Variants in TECR observed in about 807,000 individuals in gnomAD.
TECR encodes the protein very-long-chain enoyl-CoA reductase.
TECR carries 19 observed loss-of-function variants against 50.6 expected under a neutral mutation model. That is an observed-to-expected ratio of 0.38 (90% CI 0.26 to 0.55). The LOEUF (loss-of-function observed/expected upper bound fraction) is 0.55. Ranked by LOEUF, TECR falls within the 20% of genes least tolerant of loss-of-function variation. The pLI, the probability that TECR is intolerant of heterozygous loss-of-function variation, is 0.79. For missense variants in TECR, 313 were observed against 408.3 expected (o/e 0.77, Z 2.01); for synonymous variants, 168 against 163.5 (o/e 1.03, Z -0.21).
intron 1 of TECR, among the ~76,000 whole-genome samples, chr19:14,561,708 C>T (rs536465597): frequency 1.3e-5 from 2 of 152,264 alleles, no homozygotes; most frequent in South Asian, 2.1e-4. Flanking sequence ...CTAAAACTTC[C>T]ACACACCCCG....
Position 14,529,595 on chromosome 19 carries a change from T to C in TECR, c.-102T>C, listed in dbSNP as rs1415801056. Reference sequence around the variant, plus strand: ...GGGGCGGGGCGGACGCAGAGCCGCGTTTAGTCTATCGCTGCGGTTGCGAGC... The same window carrying C: ...GGGGCGGGGCGGACGCAGAGCCGCGCTTAGTCTATCGCTGCGGTTGCGAGC... On this transcript the variant is annotated 5_prime_UTR_variant, in exon 1 of 13. Coordinates refer to ENST00000215567, the MANE Select transcript of TECR (RefSeq NM_138501.6). The C allele has an allele frequency of 1.3e-6, 2 of 1,574,086 alleles. No individual in the cohort carries two copies. The highest frequency in any genetic ancestry group is 1.7e-6 in the Non-Finnish European group (2 of 1,145,228).
intron 1 of TECR, among the ~76,000 whole-genome samples, chr19:14,546,221 C>G (rs1245912654): frequency 6.6e-6 from 1 of 152,096 alleles, no homozygotes; most frequent in African/African-American, 2.4e-5. Flanking sequence ...GATCATAGAT[C>G]ACACTGAAAG....
At chr19:14,552,144 CTTTTCTTT>C (rs1414321941) in intron 1 of TECR, among the ~76,000 whole-genome samples, 14 of 141,608 alleles carry the variant, frequency 9.9e-5, no homozygotes, top group African/African-American at 3.5e-4. Flanking sequence ...TGGCCTTTTT[CTTTTCTTT>C]CTTTCTTTCT....
rs573604086 is a variant in TECR at position 14,547,985 on chromosome 19, A to G, written c.16-14540A>G. On this transcript the variant is annotated intron_variant, in intron 1 of 12. Coordinates refer to ENST00000215567, the MANE Select transcript of TECR (RefSeq NM_138501.6). ...TTTCTTTTTTTTTTTTTTTTTTGAG[A>G]CGGAGTCTCGCTCTGTCACCCAGGC... Among the ~76,000 whole-genome samples the G allele has an allele frequency of 2.3e-3, 269 of 118,012 alleles. 2 individuals carry two copies. The highest frequency in any genetic ancestry group is 8.6e-3 in the African/African-American group (256 of 29,824). 77.4% of individuals were successfully genotyped at this position (118,012 alleles called of 152,430 possible).
intron 1 of TECR, among the ~76,000 whole-genome samples, chr19:14,546,592 T>A (rs1327670882): frequency 6.6e-6 from 1 of 152,202 alleles, no homozygotes; most frequent in East Asian, 1.9e-4. Context: ...GCTCTCACTA[T>A]CTTGGCCTGG....
chr19:14,554,598 C>G (rs78656540), intron 1 of TECR, among the ~76,000 whole-genome samples: 1 of 152,138 alleles, frequency 6.6e-6, no homozygotes, highest in African/African-American at 2.4e-5. Context: ...GTGTGCCAGG[C>G]CTTCAGGCTG....
At chr19:14,562,601 G>C in intron 2 of TECR, 26 bp downstream of exon 2, 1 of 1,613,866 alleles carries the variant, frequency 6.2e-7, no homozygotes, top group Non-Finnish European at 8.5e-7. Flanking sequence ...GGGCTGCACT[G>C]GGCCAAGGGC....
chr19:14,562,290 CA>C lies in TECR; in HGVS notation c.16-234del, dbSNP rs1335637892. The C allele has an allele frequency of 4.8e-6, 3 of 627,580 alleles. No individual in the cohort carries two copies. The African/African-American group carries it at 5.5e-5, about 12-fold the overall frequency. The allele number at this position is 627,580 out of a possible 1,614,324, so 38.9% of individuals were successfully genotyped here. On this transcript the variant is annotated intron_variant, in intron 1 of 12. Transcript: ENST00000215567. ...AGAATTTGATCGCGCTTGCCCGGCCCAGGGCTGCTTCCCGTGGGGAGGTCGG... is the reference window on the plus strand; with the variant it reads ...AGAATTTGATCGCGCTTGCCCGGCCCGGGCTGCTTCCCGTGGGGAGGTCGG...
At chr19:14,545,374 TCCCGGGCACAC>T (rs2073266871) in intron 1 of TECR, among the ~76,000 whole-genome samples, 3 of 152,106 alleles carry the variant, frequency 2.0e-5, no homozygotes. Context: ...AGCAGGGTCC[TCCCGGGCACAC>T]CCACTGTGGC....
chr19:14,531,889 G>C (rs527324327), intron 1 of TECR: 2 of 152,026 alleles, frequency 1.3e-5, no homozygotes, highest in South Asian at 4.1e-4. Flanking sequence ...CACTACTGTA[G>C]TCTCAGCTAC....
At chr19:14,542,340 C>A (rs945138606) in intron 1 of TECR, among the ~76,000 whole-genome samples, 6 of 95,780 alleles carry the variant, frequency 6.3e-5, no homozygotes, top group Admixed American at 2.1e-4. Flanking sequence ...GGCCCTCATG[C>A]CATAGTGTTT....
At chr19:14,543,419 A>ATTTTT (rs1169742953) in intron 1 of TECR, among the ~76,000 whole-genome samples, 7 of 21,890 alleles carry the variant, frequency 3.2e-4, no homozygotes, top group Non-Finnish European at 5.1e-4. Flanking sequence ...ATATATATAT[A>ATTTTT]TTTTTTTTTT....
At chr19:14,562,730 C>T (rs554987711) in intron 2 of TECR, among the ~76,000 whole-genome samples, 155 bp downstream of exon 2, 1 of 152,264 alleles carries the variant, frequency 6.6e-6, no homozygotes, top group Admixed American at 6.5e-5. Flanking sequence ...ATAGCCATGT[C>T]CCCTGGGTGT....
At position 14,564,041 on chromosome 19, in the gene TECR, G is replaced by A; in HGVS notation, c.327G>A (p.Val109=). The change falls in exon 6 of 13, where the codon GTG becomes GTA. Residue 109 remains valine, a synonymous_variant. Transcript: ENST00000215567. ...LFIYLLFYFR[V]PFIYGHKYDF... ...TCTACCTGCTCTTCTACTTCCGAGT[G>A]CCCTTCATCTATGGCCACAAATATG... The A allele has an allele frequency of 1.2e-6, 2 of 1,613,910 alleles. No homozygotes were observed. The highest frequency in any genetic ancestry group is 1.7e-6 in the Non-Finnish European group (2 of 1,179,950).
chr19:14,565,526 CAG>C (rs1428530900), intron 11 of TECR, 90 bp from the exon 12 acceptor site: 1 of 1,536,826 alleles, frequency 6.5e-7, no homozygotes, highest in Non-Finnish European at 8.8e-7. Context: ...ACTCAGAAAG[CAG>C]GGGCGGCGGG....
intron 1 of TECR, among the ~76,000 whole-genome samples, chr19:14,560,889 CAG>C (rs1469733813): frequency 6.6e-6 from 1 of 152,188 alleles, no homozygotes; most frequent in Non-Finnish European, 1.5e-5. Context: ...TCCCATCTGT[CAG>C]GGGTCACCTA....
chr19:14,544,054 A>G (rs886431931), intron 1 of TECR, among the ~76,000 whole-genome samples: 2 of 152,124 alleles, frequency 1.3e-5, no homozygotes, highest in Non-Finnish European at 2.9e-5. Flanking sequence ...ATAGTTTAAC[A>G]AAATCTCCCA....
chr19:14,533,249 C>T (rs560356235), intron 1 of TECR, among the ~76,000 whole-genome samples: 7 of 152,026 alleles, frequency 4.6e-5, no homozygotes, highest in South Asian at 2.1e-4. Context: ...GATGAAACTC[C>T]GTCTCTACAA....
chr19:14,539,353 G>A (rs953547071), intron 1 of TECR, among the ~76,000 whole-genome samples: 1 of 151,914 alleles, frequency 6.6e-6, no homozygotes, highest in African/African-American at 2.4e-5. Flanking sequence ...CCTTGGGGAA[G>A]TCACACCACA....
Sources: gnomAD v4.1 joint callset for allele counts (sites outside exome capture counted in the v4.1 genomes callset) on GRCh38, gnomAD v4.1.1 for gene constraint, MANE v1.5 for transcripts, NCBI Gene and HGNC (gene_info 2026-07-23, HGNC 2026-07-21) for gene names.